Variants in HELQ observed in about 807,000 individuals in gnomAD.
HELQ encodes the protein helicase, POLQ like.
A neutral mutation model predicts 111.6 loss-of-function variants in HELQ; 77 were observed. The observed-to-expected ratio is 0.69, with a 90% confidence interval of 0.57 to 0.83. The LOEUF (loss-of-function observed/expected upper bound fraction) is 0.83. Ranked by LOEUF, HELQ falls within the 40% of genes least tolerant of loss-of-function variation. The pLI is 0.00. For missense variants in HELQ, 1,200 were observed against 1,288.5 expected (o/e 0.93, Z 1.05); for synonymous variants, 438 against 454.7 (o/e 0.96, Z 0.47).
intron 8 of HELQ, among the ~76,000 whole-genome samples, chr4:83,438,937 T>C (rs1244565014): frequency 6.6e-6 from 1 of 152,112 alleles, no homozygotes; most frequent in East Asian, 1.9e-4. Context: ...TTCTGATTTG[T>C]CTAAGATGTA....
rs1016385950 is a variant in HELQ, at chr4:83,426,074, C to G, written c.2695G>C (p.Ala899Pro). ...AGAATGGCAGCTACATTTTGTTCTGCTGGACTGAGTTGGCTAAACTACATG... is the reference window on the plus strand; with the variant it reads ...AGAATGGCAGCTACATTTTGTTCTGGTGGACTGAGTTGGCTAAACTACATG... ...YFRQFSQLSP[A>P]EQNVAAILGV... The change falls in exon 14 of 18, where the codon GCA (alanine) becomes CCA (proline). Residue 899 changes from alanine to proline, a missense_variant. Ala to Pro is a conservative substitution (Grantham distance 27). Around this residue, in one of 3 missense-constraint regions of HELQ, gnomAD observed 585 missense variants for 665.3 expected, o/e 0.88. Transcript: ENST00000295488. The G allele has an allele frequency of 3.1e-6, 5 of 1,604,824 alleles. No homozygotes were observed. The African/African-American group carries it at 6.7e-5, about 21-fold the overall frequency.
At chr4:83,410,925 C>A (rs932941677) in intron 17 of HELQ, among the ~76,000 whole-genome samples, 14 of 150,490 alleles carry the variant, frequency 9.3e-5, no homozygotes, top group African/African-American at 3.4e-4. Context: ...CCAAGGTGGG[C>A]AGATTGCTTG....
intron 6 of HELQ, among the ~76,000 whole-genome samples, chr4:83,442,665 C>A (rs1384520546): frequency 6.6e-6 from 1 of 151,980 alleles, no homozygotes; most frequent in East Asian, 1.9e-4. Flanking sequence ...CCCACCTCGG[C>A]CTCCCAAAGT....
rs1038597583 is a variant in HELQ, at chr4:83,452,542, C to G, written c.1012+689G>C. Among the ~76,000 whole-genome samples, 59 of 152,090 alleles carry G rather than the reference C, an allele frequency of 3.9e-4. 1 individual carries two copies. Among genetic ancestry groups the G allele is most frequent in the African/African-American group, 1.3e-3 (55 of 41,396 alleles). Reference sequence around the variant, plus strand: ...TATTACTAATAACTGACTTCTTTCACTCAAGACATGTGAGTGTCAAAGACA... The same window carrying G: ...TATTACTAATAACTGACTTCTTTCAGTCAAGACATGTGAGTGTCAAAGACA... On this transcript the variant is annotated intron_variant, in intron 2 of 17. Coordinates refer to ENST00000295488, the MANE Select transcript of HELQ (RefSeq NM_133636.5).
At chr4:83,419,338 G>A (rs1401817351) in intron 15 of HELQ, among the ~76,000 whole-genome samples, 3 of 151,342 alleles carry the variant, frequency 2.0e-5, no homozygotes, top group Non-Finnish European at 4.4e-5. Flanking sequence ...AGCACTCTGG[G>A]AGGCCAAGGT....
chr4:83,424,962 T>C (rs1337661293), intron 14 of HELQ, among the ~76,000 whole-genome samples: 1 of 152,096 alleles, frequency 6.6e-6, no homozygotes, highest in African/African-American at 2.4e-5. Context: ...GTACTGTCTA[T>C]GTAAATTTAA....
intron 11 of HELQ, 51 bp from the exon 12 acceptor site, chr4:83,429,797 A>C: frequency 9.2e-7 from 1 of 1,081,774 alleles, no homozygotes; most frequent in Non-Finnish European, 1.4e-6. Context: ...TCAAGGCATC[A>C]CCTTGAATGC....
rs1452133937 is a variant in HELQ at position 83,455,495 on chromosome 4, GA to G, written c.198del (p.Leu67TyrfsTer54). The G allele has an allele frequency of 2.5e-6, 4 of 1,614,052 alleles. No individual in the cohort carries two copies. In the African/African-American group the frequency reaches 5.3e-5, roughly 22 times the overall value. On this transcript the variant is annotated frameshift_variant, in exon 1 of 18. Transcript: ENST00000295488. LOFTEE classifies it high-confidence loss of function. ...AGACATTCCGGGGAATCTGAGAGTA[GA>G]AGGGGCTGTACCTCAACCGGCAGTA... ...AGVLPVEVQP[L>X]LLSDSPECLV...
chr4:83,424,986 G>A (rs1329107838), intron 14 of HELQ, among the ~76,000 whole-genome samples: 1 of 152,216 alleles, frequency 6.6e-6, no homozygotes, highest in East Asian at 1.9e-4. Context: ...GTATAGAGGA[G>A]GTTGGGTGTG....
chr4:83,432,288 G>A, intron 9 of HELQ, 21 bp from the exon 10 acceptor site: 2 of 1,521,514 alleles, frequency 1.3e-6, no homozygotes, highest in Non-Finnish European at 1.8e-6. Flanking sequence ...AATGAAAAAT[G>A]ATACTCTACA....
chr4:83,441,595 C>T (rs1720756780), intron 6 of HELQ, among the ~76,000 whole-genome samples, 192 bp from the exon 7 acceptor site: 1 of 151,992 alleles, frequency 6.6e-6, no homozygotes, highest in Non-Finnish European at 1.5e-5. Flanking sequence ...CTCTTTTTCC[C>T]TTAAAATCAA....
At chr4:83,420,979 CTTA>C (rs1175993206) in intron 15 of HELQ, among the ~76,000 whole-genome samples, 1 of 152,018 alleles carries the variant, frequency 6.6e-6, no homozygotes, top group South Asian at 2.1e-4. Flanking sequence ...GCTAATTTTT[CTTA>C]TTTTTTGTAG....
intron 13 of HELQ, among the ~76,000 whole-genome samples, chr4:83,427,189 C>T (rs1279279629): frequency 6.6e-6 from 1 of 151,434 alleles, no homozygotes; most frequent in East Asian, 1.9e-4. Flanking sequence ...TTTTTTTTAA[C>T]CTTTACTTTT....
At position 83,436,927 on chromosome 4, in the gene HELQ, G is replaced by C; in HGVS notation, c.1979C>G (p.Ser660Cys). The change falls in exon 9 of 18, where the codon TCC (serine) becomes TGC (cysteine). Residue 660 changes from serine to cysteine, a missense_variant. This residue lies in a region of HELQ where 585 missense variants were observed against 665.3 expected (regional missense o/e 0.88). Coordinates refer to ENST00000295488, the MANE Select transcript of HELQ (RefSeq NM_133636.5). ...GGTAAAAAGACAGAGCACTCCTGTG[G>C]AGTAGGCCTCCTCCAAGAGTTTCCT... The part of the protein sequence containing the change: ...DERKLLEEAY[S>C]TGVLCLFTCT... 1 of 1,614,210 alleles carries C rather than the reference G, an allele frequency of 6.2e-7. No individual in the cohort carries two copies. Among genetic ancestry groups the C allele is most frequent in the Non-Finnish European group, 8.5e-7 (1 of 1,180,036 alleles).
Position 83,446,038 on chromosome 4 carries a change from G to A in HELQ, c.1441C>T (p.Leu481=). The A allele has an allele frequency of 6.2e-7, 1 of 1,612,622 alleles. No homozygotes were observed. Among genetic ancestry groups the A allele is most frequent in the South Asian group, 1.1e-5 (1 of 90,974 alleles). The part of the protein sequence containing the change: ...GSRGATLEMT[L]AKILYTSKTT... The stretch of plus-strand genomic sequence containing the variant: ...CTGCTAGTGTAGAGGATTTTTGCTA[G>A]GGTCATTTCCAGTGTAGCTCCACGG... Residue 481 remains leucine (L), a synonymous_variant, in exon 5 of 18, where the codon CTA becomes TTA. Coordinates refer to ENST00000295488, the MANE Select transcript of HELQ (RefSeq NM_133636.5).
intron 8 of HELQ, among the ~76,000 whole-genome samples, chr4:83,438,494 A>G (rs189277785): frequency 6.3e-4 from 96 of 152,278 alleles, no homozygotes; most frequent in African/African-American, 2.2e-3. Flanking sequence ...TAATTCCAGC[A>G]CTTTGGGAGG....
intron 17 of HELQ, among the ~76,000 whole-genome samples, chr4:83,411,309 T>A (rs1560537695): frequency 6.6e-6 from 1 of 151,624 alleles, no homozygotes; most frequent in Non-Finnish European, 1.5e-5. Flanking sequence ...TTTTTTTTTT[T>A]AAATTTAGAG....
At chr4:83,427,258 T>C (rs528533575) in intron 13 of HELQ, among the ~76,000 whole-genome samples, 37 of 152,236 alleles carry the variant, frequency 2.4e-4, no homozygotes, top group African/African-American at 8.4e-4. Flanking sequence ...AAACGAACCA[T>C]AAATGCTGTT....
intron 12 of HELQ, among the ~76,000 whole-genome samples, chr4:83,428,902 T>G (rs974956360): frequency 6.6e-6 from 1 of 152,072 alleles, no homozygotes; most frequent in South Asian, 2.1e-4. Flanking sequence ...TGAAATGAAA[T>G]GTACAGTAAA....
Sources: gnomAD v4.1 joint callset for allele counts (sites outside exome capture counted in the v4.1 genomes callset) on GRCh38, gnomAD v4.1.1 for gene constraint, gnomAD v4.1.1 regional missense constraint, MANE v1.5 for transcripts, NCBI Gene and HGNC (gene_info 2026-07-23, HGNC 2026-07-21) for gene names.